HACE1: variants seen among roughly 807,000 people sequenced by gnomAD.
The protein encoded by HACE1 is HECT domain and ankyrin repeat containing E3 ubiquitin protein ligase 1, also known as E3 ubiquitin-protein ligase HACE1.
Under a neutral mutation model 118.4 loss-of-function variants are expected in HACE1, and 73 were observed. The observed-to-expected ratio is 0.62, with a 90% confidence interval of 0.51 to 0.75. The LOEUF is 0.75. Among genes scored for constraint, HACE1 ranks in the 30% least tolerant of loss-of-function variants. HACE1 has a pLI of 0.00. For synonymous variants in HACE1, 368 were observed against 374.8 expected (o/e 0.98, Z 0.21); for missense variants, 749 against 1,102.2 (o/e 0.68, Z 4.54).
chr6:104,740,022 A>T (rs879586124), intron 22 of HACE1, among the ~76,000 whole-genome samples: 1 of 151,944 alleles, frequency 6.6e-6, no homozygotes, highest in East Asian at 1.9e-4. Context: ...CTCACTCAAA[A>T]CCACTCAACT....
intron 19 of HACE1, among the ~76,000 whole-genome samples, chr6:104,750,988 T>C (rs1777982193): frequency 6.6e-6 from 1 of 152,238 alleles, no homozygotes; most frequent in South Asian, 2.1e-4. Flanking sequence ...TCATGACATC[T>C]GGAGTAACAT....
At chr6:104,815,966 G>A (rs1470219269) in intron 6 of HACE1, among the ~76,000 whole-genome samples, 2 of 151,836 alleles carry the variant, frequency 1.3e-5, no homozygotes, top group East Asian at 2.0e-4. Flanking sequence ...CCAGCTACTC[G>A]GGGGGCTGAG....
intron 4 of HACE1, among the ~76,000 whole-genome samples, chr6:104,845,067 G>A (rs1391130339): frequency 1.3e-5 from 2 of 151,986 alleles, no homozygotes; most frequent in East Asian, 3.9e-4. Flanking sequence ...CATATGTATT[G>A]TATACATATT....
intron 7 of HACE1, among the ~76,000 whole-genome samples, chr6:104,800,452 A>T (rs1370813909): frequency 6.6e-6 from 1 of 151,990 alleles, no homozygotes; most frequent in East Asian, 1.9e-4. Flanking sequence ...ACTAGGAGAC[A>T]CCTCCTAGTA....
At chr6:104,807,109 C>T (rs1022295462) in intron 7 of HACE1, among the ~76,000 whole-genome samples, 7 of 151,462 alleles carry the variant, frequency 4.6e-5, no homozygotes, top group Non-Finnish European at 1.0e-4. Flanking sequence ...CTGCAACCTC[C>T]GCCTTTCAGA....
At chr6:104,732,036 GCAAAAAAT>G (rs1324387030) in intron 22 of HACE1, 3 of 152,048 alleles carry the variant, frequency 2.0e-5, no homozygotes, top group Admixed American at 2.0e-4. Context: ...ATGACTATCG[GCAAAAAAT>G]CAAAAAAACA....
intron 22 of HACE1, among the ~76,000 whole-genome samples, chr6:104,738,449 T>A (rs1272405082): frequency 6.8e-6 from 1 of 147,842 alleles, no homozygotes; most frequent in African/African-American, 2.5e-5. Flanking sequence ...ATAACTAGAA[T>A]AACCAATACA....
chr6:104,748,899 G>A (rs1777738130), intron 20 of HACE1, among the ~76,000 whole-genome samples: 1 of 152,138 alleles, frequency 6.6e-6, no homozygotes, highest in Admixed American at 6.5e-5. Context: ...AATGACTGGA[G>A]GGAGATGACA....
At chr6:104,847,531 T>C (rs1045506045) in intron 4 of HACE1, among the ~76,000 whole-genome samples, 6 of 152,210 alleles carry the variant, frequency 3.9e-5, no homozygotes, top group African/African-American at 1.4e-4. Context: ...AATCAGGAAA[T>C]GGAGCAGATC....
intron 19 of HACE1, among the ~76,000 whole-genome samples, chr6:104,764,244 A>G (rs977120207): frequency 2.0e-5 from 3 of 151,860 alleles, no homozygotes; most frequent in Non-Finnish European, 4.4e-5. Flanking sequence ...TGCCCAGCTA[A>G]TTTTTGTATT....
chr6:104,795,966 G>C (rs534165500), intron 9 of HACE1, among the ~76,000 whole-genome samples: 6 of 152,128 alleles, frequency 3.9e-5, no homozygotes, highest in African/African-American at 1.4e-4. Context: ...TAAAACGAAA[G>C]AGAAATTTAA....
chr6:104,741,068 T>G (rs1170183454), intron 22 of HACE1, among the ~76,000 whole-genome samples: 1 of 115,066 alleles, frequency 8.7e-6, no homozygotes, highest in East Asian at 2.3e-4. Context: ...ACCACATGAT[T>G]ATCTCAATAG....
At chr6:104,858,433 G>A in intron 1 of HACE1, 2 of 343,460 alleles carry the variant, frequency 5.8e-6, no homozygotes, top group Non-Finnish European at 5.8e-6. Flanking sequence ...AGGCGCGGTG[G>A]CTCACATCTG....
chr6:104,811,277 C>CGT, intron 7 of HACE1, 34 bp downstream of exon 7: 1 of 604,562 alleles, frequency 1.7e-6, no homozygotes, highest in South Asian at 1.4e-5. Context: ...TATATATGAG[C>CGT]ATATATAGCA....
chr6:104,741,334 A>G (rs1776658549), intron 22 of HACE1, among the ~76,000 whole-genome samples: 1 of 148,082 alleles, frequency 6.8e-6, no homozygotes, highest in Non-Finnish European at 1.5e-5. Flanking sequence ...AGAAGGATAT[A>G]AAGGGTATTC....
intron 20 of HACE1, among the ~76,000 whole-genome samples, chr6:104,745,631 T>A (rs1033693256): frequency 5.3e-5 from 8 of 151,790 alleles, no homozygotes; most frequent in Middle Eastern, 3.2e-3. Flanking sequence ...TTAGTAGAGA[T>A]GAGGTTTCAC....
chr6:104,776,979 C>T (rs1211507470), intron 16 of HACE1, 34 bp downstream of exon 16: 2 of 1,390,532 alleles, frequency 1.4e-6, no homozygotes, highest in East Asian at 2.3e-5. Context: ...TCTTTACATA[C>T]AGTGATTTCT....
chr6:104,744,660 TTATTA>T (rs1562275230), intron 20 of HACE1, 50 bp from the exon 21 acceptor site: 1 of 1,055,232 alleles, frequency 9.5e-7, no homozygotes. Context: ...GGGAAAAAAG[TTATTA>T]TATTTAAGTG....
chr6:104,785,525 G>A, intron 11 of HACE1: 2 of 528,750 alleles, frequency 3.8e-6, no homozygotes, highest in Non-Finnish European at 3.4e-6. Flanking sequence ...TTCATTTATG[G>A]CAATAATTTA....
Sources: gnomAD v4.1 joint callset for allele counts (sites outside exome capture counted in the v4.1 genomes callset) on GRCh38, gnomAD v4.1.1 for gene constraint, MANE v1.5 for transcripts, NCBI Gene and HGNC (gene_info 2026-07-23, HGNC 2026-07-21) for gene names.